The following TTN variants were observed in gnomAD, a reference collection of about 807,000 sequenced individuals.
The protein encoded by TTN is titin, also known as connectin.
In TTN, 1,525 loss-of-function variants were observed where a neutral mutation model predicts 3,223.0. The observed-to-expected ratio is 0.47, with a 90% CI of 0.45 to 0.49. TTN has a LOEUF of 0.49. Ranked by LOEUF, TTN falls within the 20% of genes least tolerant of loss-of-function variation. The pLI is 0.00. For synonymous variants in TTN, 14,094 were observed against 15,161.0 expected (o/e 0.93, Z 5.17); for missense variants, 40,786 against 43,424.0 (o/e 0.94, Z 5.40).
chr2:178,683,993 G>A lies in TTN; in HGVS notation c.32806+6C>T. On this transcript the variant is annotated splice_donor_region_variant and intron_variant, in intron 133 of 362. Transcript: ENST00000589042. The stretch of plus-strand genomic sequence containing the variant: ...ATTTTTTTTTTTTTTTTAAGAGTCA[G>A]TATACCTTTAGCTGGTGGTTCCTCC... 2 of 1,535,456 alleles carry A rather than the reference G, an allele frequency of 1.3e-6. No individual in the cohort carries two copies. Among genetic ancestry groups the A allele is most frequent in the African/African-American group, 1.4e-5 (1 of 69,298 alleles).
chr2:178,613,948 G>A lies in TTN; in HGVS notation c.49346-11C>T, dbSNP rs186254429. ...GAGGACCAGGTGGATCTATAGACAG[G>A]ATAATGGTGTAAAATGTTATATGTC... On this transcript the variant is annotated splice_polypyrimidine_tract_variant and intron_variant, in intron 262 of 362. Coordinates refer to ENST00000589042, the MANE Select transcript of TTN (RefSeq NM_001267550.2). 6.2e-7 allele frequency: 1 copy of A among 1,607,454 alleles called. No homozygotes were observed. The highest frequency in any genetic ancestry group is 1.7e-5 in the Admixed American group (1 of 58,582).
Position 178,526,880 on chromosome 2 carries a change from A to G in TTN, c.*132T>C, listed in dbSNP as rs1686616732. ...GAAAAGATTGAAATGAATATTTTTG[A>G]ACTTTGACTCATTTAGGTTGATACA... On this transcript the variant is annotated 3_prime_UTR_variant, in exon 363 of 363. Transcript: ENST00000589042. 5 of 754,766 alleles carry G rather than the reference A, an allele frequency of 6.6e-6. 1 individual carries two copies. The South Asian group carries it at 9.9e-5, about 15-fold the overall frequency. 46.8% of individuals were successfully genotyped at this position (754,766 alleles called of 1,614,324 possible). A position where few individuals can be genotyped will look rare whatever the true frequency, so the allele number is the denominator to read the frequency against.
At position 178,664,836 on chromosome 2, in the gene TTN, G is replaced by A. The variant is rs955298408; in HGVS notation, c.36118+16C>T. ...CAAGAGCTAGTTCTTGACCCTGAGA[G>A]CATGGTGACTTGTACCTTTAACTGA... On this transcript the variant is annotated intron_variant, in intron 166 of 362. Transcript: ENST00000589042. 2 of 1,610,996 alleles carry A rather than the reference G, an allele frequency of 1.2e-6. No individual in the cohort carries two copies. Among genetic ancestry groups the A allele is most frequent in the Non-Finnish European group, 1.7e-6 (2 of 1,179,248 alleles).
At position 178,590,630 on chromosome 2, in the gene TTN, A is replaced by G; in HGVS notation, c.61095T>C (p.Ala20365=). 2 of 1,613,104 alleles carry G rather than the reference A, an allele frequency of 1.2e-6. No homozygotes were observed. ...GTCCAGGTGGTTTGATGGGCCGGCAAGCTTTTATTGGATCAGAACTTGGGG... is the reference window on the plus strand; with the variant it reads ...GTCCAGGTGGTTTGATGGGCCGGCAGGCTTTTATTGGATCAGAACTTGGGG... ...KPSPSSDPIK[A]CRPIKPPGPP... Residue 20365 remains alanine, a synonymous_variant, in exon 304 of 363, where the codon GCT becomes GCC. Transcript: ENST00000589042.
chr2:178,777,745 A>G lies in TTN; in HGVS notation c.4439T>C (p.Val1480Ala). Residue 1480 changes from valine to alanine, a missense_variant, in exon 25 of 363, where the codon GTT becomes GCT. Val to Ala is a moderately conservative substitution (Grantham distance 64). Transcript: ENST00000589042. Reference sequence around the variant, plus strand: ...CGTCTCTGGCATAGGTCTACCAACAACCTTTAAGTCAAATCTGGCAGTTTG... The same window carrying G: ...CGTCTCTGGCATAGGTCTACCAACAGCCTTTAAGTCAAATCTGGCAGTTTG... ...EGQTARFDLKVVGRPMPETFW... is the reference protein window; with the variant it reads ...EGQTARFDLKAVGRPMPETFW... 1.2e-6 allele frequency: 2 copies of G among 1,614,088 alleles called. No homozygotes were observed. The highest frequency in any genetic ancestry group is 1.7e-6 in the Non-Finnish European group (2 of 1,179,974).
In TTN at chr2:178,572,857, A is replaced by G; in HGVS notation, c.73275T>C (p.Pro24425=). Residue 24425 remains proline, a synonymous_variant, in exon 326 of 363, where the codon CCT becomes CCC. Transcript: ENST00000589042. ...GTPKAEDRML[P]PEIELDADLR... Reference sequence around the variant, plus strand: ...GGTCAGCATCCAGTTCAATTTCTGGAGGCAGCATTCTGTCTTCAGCCTTTG... The same window carrying G: ...GGTCAGCATCCAGTTCAATTTCTGGGGGCAGCATTCTGTCTTCAGCCTTTG... 6.2e-7 allele frequency: 1 copy of G among 1,613,414 alleles called. No individual in the cohort carries two copies. The highest frequency in any genetic ancestry group is 8.5e-7 in the Non-Finnish European group (1 of 1,179,584).
rs751863235 is a variant in TTN at position 178,593,486 on chromosome 2, T to C, written c.58733-11A>G. The stretch of plus-strand genomic sequence containing the variant: ...GTGCATCAGGAACCCCTGTAACAAA[T>C]GTTGGAAAATGCGTTAGAAATTTAT... On this transcript the variant is annotated splice_polypyrimidine_tract_variant and intron_variant, in intron 298 of 362. Coordinates refer to ENST00000589042, the MANE Select transcript of TTN (RefSeq NM_001267550.2). 5 of 1,601,114 alleles carry C rather than the reference T, an allele frequency of 3.1e-6. No individual in the cohort carries two copies. Among genetic ancestry groups the C allele is most frequent in the Middle Eastern group, 1.7e-4 (1 of 6,018 alleles).
chr2:178,800,737 G>A, intron 3 of TTN, 55 bp from the exon 4 acceptor site: 1 of 1,526,560 alleles, frequency 6.6e-7, no homozygotes, highest in Admixed American at 2.1e-5. Context: ...TCCCTACAAG[G>A]TATTTTTAAA....
At chr2:178,745,849 G>C in intron 47 of TTN, 1 of 1,613,074 alleles carries the variant, frequency 6.2e-7, no homozygotes, top group Non-Finnish European at 8.5e-7. Flanking sequence ...AAATACCTTT[G>C]ATAAACCTGG....
intron 109 of TTN, 47 bp downstream of exon 109, chr2:178,701,992 AT>A (rs749289062): frequency 7.8e-5 from 124 of 1,584,708 alleles, no homozygotes; most frequent in Non-Finnish European, 9.8e-5. Flanking sequence ...TTACAAAATT[AT>A]GCCAAATTTA....
In TTN at chr2:178,609,361, G is replaced by T; in HGVS notation, c.51949C>A (p.Pro17317Thr). ...TCAATACTCAAACGCTGTGTCAGAG[G>T]CAGGACAAATGGTTCTTCTTCTTGA... ...EVQEEEPFVL[P>T]LTQRLSIDNS... is the part of the protein sequence containing the mutation. Residue 17317 changes from proline (P) to threonine (T), a missense_variant, in exon 273 of 363, where the codon CCT becomes ACT. Transcript: ENST00000589042. The T allele has an allele frequency of 6.2e-7, 1 of 1,612,242 alleles. No individual in the cohort carries two copies.
Position 178,669,694 on chromosome 2 carries a change from A to T in TTN, c.35387-19T>A, listed in dbSNP as rs1374522067. 8 of 1,607,718 alleles carry T rather than the reference A, an allele frequency of 5.0e-6. No homozygotes were observed. The East Asian group carries it at 1.8e-4, about 36-fold the overall frequency. On this transcript the variant is annotated intron_variant, in intron 157 of 362. Transcript: ENST00000589042. ...TCGGGTGCTTTAAAGATATTTATTT[A>T]TCTTATTTTTTCAGAACATTATAGT...
chr2:178,551,966 C>A lies in TTN; in HGVS notation c.90934G>T (p.Val30312Phe), dbSNP rs750742292. Residue 30312 changes from valine to phenylalanine, a missense_variant, in exon 335 of 363, where the codon GTC becomes TTC. Physicochemically the swap from Val to Phe is conservative, Grantham distance 50. Transcript: ENST00000589042. ...TGTTTTGCCACAATAATGCTTGAGACAAGTGGTTGGCTGACTCCGTATCTG... is the reference window on the plus strand; with the variant it reads ...TGTTTTGCCACAATAATGCTTGAGAAAAGTGGTTGGCTGACTCCGTATCTG... ...ENRYGVSQPL[V>F]SSIIVAKHQF... 7 of 1,611,868 alleles carry A rather than the reference C, an allele frequency of 4.3e-6. No individual in the cohort carries two copies. In the African/African-American group the frequency reaches 8.0e-5, roughly 18 times the overall value.
At chr2:178,760,132 T>G (rs2088648929) in intron 43 of TTN, among the ~76,000 whole-genome samples, 1 of 152,228 alleles carries the variant, frequency 6.6e-6, no homozygotes, top group African/African-American at 2.4e-5. Context: ...AATACTTGTC[T>G]ATAAAAGTTA....
intron 115 of TTN, 123 bp downstream of exon 115, chr2:178,695,225 C>A (rs541095714): frequency 1.5e-6 from 1 of 669,040 alleles, no homozygotes; most frequent in Non-Finnish European, 2.5e-6. Context: ...AAATCATTCA[C>A]AATAAAGCTT....
In TTN at chr2:178,757,813, C is replaced by A. The variant is rs775464538; in HGVS notation, c.10407G>T (p.Gln3469His). 4.3e-6 allele frequency: 7 copies of A among 1,609,790 alleles called. No individual in the cohort carries two copies. Among genetic ancestry groups the A allele is most frequent in the Non-Finnish European group, 5.9e-6 (7 of 1,177,232 alleles). ...EPLGQKPSFI[Q>H]PLSSLRVHNG... ...TGTGCACCCTGAGGCTTGACAGAGGCTGGATGAAGCTGGGCTTTTGGCCAA... is the reference window on the plus strand; with the variant it reads ...TGTGCACCCTGAGGCTTGACAGAGGATGGATGAAGCTGGGCTTTTGGCCAA... The change falls in exon 45 of 363, where the codon CAG (glutamine) becomes CAT (histidine). Residue 3469 changes from glutamine to histidine, a missense_variant. Physicochemically the swap from Gln to His is conservative, Grantham distance 24. Coordinates refer to ENST00000589042, the MANE Select transcript of TTN (RefSeq NM_001267550.2).
In TTN at chr2:178,723,198, AT is replaced by A. The variant is rs759628752; in HGVS notation, c.21808del (p.Ile7270Ter). ...SVTWKKDGFN[I>X]TTSEKCNIVT... ...TATGTTACATTTTTCAGAGGTAGTT[AT>A]GTTAAAACCATCCTTTTTCCAAGTG... On this transcript the variant is annotated frameshift_variant, in exon 75 of 363. Transcript: ENST00000589042. LOFTEE classifies it high-confidence loss of function. 3 of 1,613,496 alleles carry A rather than the reference AT, an allele frequency of 1.9e-6. No homozygotes were observed. In the South Asian group the frequency reaches 3.3e-5, roughly 18 times the overall value.
chr2:178,541,640 A>C, intron 349 of TTN, 56 bp from the exon 350 acceptor site: 1 of 1,440,650 alleles, frequency 6.9e-7, no homozygotes, highest in Non-Finnish European at 9.2e-7. Flanking sequence ...TAAAACAATG[A>C]CTCATATATT....
At chr2:178,686,901 ATGTT>A (rs2154276537) in intron 127 of TTN, among the ~76,000 whole-genome samples, 1 of 152,352 alleles carries the variant, frequency 6.6e-6, no homozygotes, top group African/African-American at 2.4e-5. Flanking sequence ...AAATCAGACT[ATGTT>A]TGGTTTTACA....
Sources: gnomAD v4.1 joint callset for allele counts (sites outside exome capture counted in the v4.1 genomes callset) on GRCh38, gnomAD v4.1.1 for gene constraint, MANE v1.5 for transcripts, NCBI Gene and HGNC (gene_info 2026-07-23, HGNC 2026-07-21) for gene names.